The following ALDH1L2 variants were observed in gnomAD, a reference collection of about 807,000 sequenced individuals.
ALDH1L2 encodes aldehyde dehydrogenase 1 family member L2.
In ALDH1L2, 91 loss-of-function variants were observed where a neutral mutation model predicts 111.0. The ratio of observed to expected loss-of-function variants is 0.82; its 90% CI spans 0.69 to 0.98. The LOEUF is 0.98. ALDH1L2 is among the 50% of genes least tolerant of loss of function. ALDH1L2 has a pLI of 0.00. For synonymous variants in ALDH1L2, 374 were observed against 392.6 expected (o/e 0.95, Z 0.56); for missense variants, 995 against 1,126.8 (o/e 0.88, Z 1.67).
At chr12:105,074,147 C>G in intron 1 of ALDH1L2, 142 bp from the exon 2 acceptor site, 1 of 1,038,700 alleles carries the variant, frequency 9.6e-7, no homozygotes, top group Non-Finnish European at 1.4e-6. Context: ...CACCACTACT[C>G]AATATATGCA....
At chr12:105,079,428 A>G (rs927795131) in intron 1 of ALDH1L2, among the ~76,000 whole-genome samples, 24 of 152,266 alleles carry the variant, frequency 1.6e-4, no homozygotes, top group African/African-American at 5.8e-4. Context: ...TTTCATCATA[A>G]AAAGGATAAA....
chr12:105,052,034 C>G (rs1329614516), intron 12 of ALDH1L2, 56 bp downstream of exon 12: 2 of 1,414,224 alleles, frequency 1.4e-6, no homozygotes, highest in East Asian at 2.8e-5. Flanking sequence ...GTAGTGAACC[C>G]CTGTCTCTAC....
rs752377566 is a variant in ALDH1L2 at position 105,046,778 on chromosome 12, T to C, written c.1795A>G (p.Met599Val). The C allele has an allele frequency of 1.9e-6, 3 of 1,614,184 alleles. No individual in the cohort carries two copies. The highest frequency in any genetic ancestry group is 2.5e-6 in the Non-Finnish European group (3 of 1,180,026). ...GCAGCACTCTTCCATGCCAGCATCA[T>C]CAGCGGGTAGTTCCAGGGAATAATA... ...AIIIPWNYPL[M>V]MLAWKSAACL... Residue 599 changes from methionine (M) to valine (V), a missense_variant, in exon 15 of 23, where the codon ATG (methionine) becomes GTG (valine). Transcript: ENST00000258494.
intron 8 of ALDH1L2, 40 bp from the exon 9 acceptor site, chr12:105,061,112 A>T: frequency 6.5e-7 from 1 of 1,541,000 alleles, no homozygotes; most frequent in Non-Finnish European, 9.0e-7. Context: ...AGTGCCACGT[A>T]GAACAATGTG....
At chr12:105,036,065 T>C (rs187243500) in intron 18 of ALDH1L2, among the ~76,000 whole-genome samples, 9 of 69,884 alleles carry the variant, frequency 1.3e-4, no homozygotes, top group Admixed American at 6.1e-4. Flanking sequence ...ATTATATATA[T>C]ACGTATATTT....
At chr12:105,037,254 T>C (rs1328304512) in intron 18 of ALDH1L2, among the ~76,000 whole-genome samples, 1 of 152,230 alleles carries the variant, frequency 6.6e-6, no homozygotes, top group Non-Finnish European at 1.5e-5. Flanking sequence ...GCCTTTATAC[T>C]TTGAAATAGT....
chr12:105,072,831 G>C (rs995879428), intron 2 of ALDH1L2, among the ~76,000 whole-genome samples: 1 of 152,130 alleles, frequency 6.6e-6, no homozygotes, highest in Non-Finnish European at 1.5e-5. Context: ...AAAATTAGCC[G>C]GGTATGATGG....
chr12:105,074,056 A>T, intron 1 of ALDH1L2, 51 bp from the exon 2 acceptor site: 1 of 1,608,468 alleles, frequency 6.2e-7, no homozygotes, highest in Non-Finnish European at 8.5e-7. Flanking sequence ...AAGACACTGG[A>T]TGAGGGTGAG....
rs1174609891 is a variant in ALDH1L2 at position 105,034,311 on chromosome 12, C to A, written c.2233G>T (p.Val745Leu). 3 of 1,613,860 alleles carry A rather than the reference C, an allele frequency of 1.9e-6. No homozygotes were observed. The highest frequency in any genetic ancestry group is 2.5e-6 in the Non-Finnish European group (3 of 1,179,924). ...FVEESIHDEF[V>L]TRVVEEIKKM... ...TGAAGGTGCCTCACCACTCTTGTCACAAATTCGTCGTGGATGGATTCTTCC... is the reference window on the plus strand; with the variant it reads ...TGAAGGTGCCTCACCACTCTTGTCAAAAATTCGTCGTGGATGGATTCTTCC... The change falls in exon 19 of 23, where the codon GTG becomes TTG. Residue 745 changes from valine (V) to leucine (L), a missense_variant. Transcript: ENST00000258494.
chr12:105,034,626 A>G (rs749297915), intron 18 of ALDH1L2, among the ~76,000 whole-genome samples: 5 of 152,144 alleles, frequency 3.3e-5, no homozygotes, highest in Admixed American at 6.5e-5. Flanking sequence ...TTGGTCCCTG[A>G]GCATTTTTTT....
chr12:105,050,689 G>A, intron 12 of ALDH1L2: 1 of 453,340 alleles, frequency 2.2e-6, no homozygotes, highest in Non-Finnish European at 4.4e-6. Context: ...GATCTTGCTT[G>A]TATTAGTTCA....
rs1200342760 is a variant in ALDH1L2 at position 105,020,006 on chromosome 12, T to G, written c.*4418A>C. On this transcript the variant is annotated 3_prime_UTR_variant, in exon 23 of 23. Transcript: ENST00000258494. ...GTTGACTCAACAAATTATGGTTGAG[T>G]CAGTCTTACTTTCCTATTTTATAAA... The G allele has an allele frequency of 1.3e-5, 2 of 152,210 alleles. No homozygotes were observed. The highest frequency in any genetic ancestry group is 4.1e-4 in the South Asian group (2 of 4,832). The allele number at this position is 152,210 out of a possible 1,614,324, so 9.4% of individuals were successfully genotyped here. A position where few individuals can be genotyped will look rare whatever the true frequency, so the allele number is the denominator to read the frequency against.
chr12:105,052,566 G>A (rs573363296), intron 11 of ALDH1L2, among the ~76,000 whole-genome samples: 2 of 152,102 alleles, frequency 1.3e-5, no homozygotes, highest in Non-Finnish European at 2.9e-5. Context: ...GAGTGCCTCT[G>A]GTGTGTATAG....
At chr12:105,083,807 T>A (rs2136121130) in intron 1 of ALDH1L2, among the ~76,000 whole-genome samples, 1 of 152,180 alleles carries the variant, frequency 6.6e-6, no homozygotes, top group East Asian at 1.9e-4. Context: ...CCAGCGTGGC[T>A]GCCTCTGCAG....
At chr12:105,061,781 A>C (rs1247242646) in intron 7 of ALDH1L2, 29 bp from the exon 8 acceptor site, 1 of 1,613,588 alleles carries the variant, frequency 6.2e-7, no homozygotes, top group Non-Finnish European at 8.5e-7. Context: ...ACAAGCATAA[A>C]AATTGAGGAT....
chr12:105,031,403 A>G (rs1874687594), intron 20 of ALDH1L2, among the ~76,000 whole-genome samples: 1 of 152,212 alleles, frequency 6.6e-6, no homozygotes, highest in Admixed American at 6.5e-5. Flanking sequence ...GGAACACTTC[A>G]TAGGTGATAC....
chr12:105,067,453 CTCA>C (rs988592579), intron 4 of ALDH1L2, among the ~76,000 whole-genome samples: 3 of 152,046 alleles, frequency 2.0e-5, no homozygotes, highest in African/African-American at 7.2e-5. Flanking sequence ...AGTTATTTTA[CTCA>C]TCATGATGAT....
intron 1 of ALDH1L2, among the ~76,000 whole-genome samples, chr12:105,083,841 G>C (rs1878450918): frequency 6.6e-6 from 1 of 152,116 alleles, no homozygotes; most frequent in Non-Finnish European, 1.5e-5. Flanking sequence ...TAGAAATTTT[G>C]CCATCTGCAG....
chr12:105,038,036 G>C, intron 18 of ALDH1L2, 67 bp downstream of exon 18: 1 of 1,360,918 alleles, frequency 7.3e-7, no homozygotes, highest in Non-Finnish European at 1.0e-6. Context: ...CAAAGTGCTA[G>C]GATTACAGGC....
Sources: allele counts gnomAD v4.1 joint callset (sites outside exome capture counted in the v4.1 genomes callset), GRCh38; gene constraint gnomAD v4.1.1; transcripts MANE v1.5; gene names NCBI Gene and HGNC (gene_info 2026-07-23, HGNC 2026-07-21).